MDM1: variants seen among roughly 807,000 people sequenced by gnomAD.
MDM1 encodes Mdm1 nuclear protein.
A neutral mutation model predicts 89.1 loss-of-function variants in MDM1; 61 were observed. The ratio of observed to expected loss-of-function variants is 0.68; its 90% CI spans 0.56 to 0.85. The LOEUF (loss-of-function observed/expected upper bound fraction) is 0.85, where lower values mean the gene tolerates loss of function less well. Among genes scored for constraint, MDM1 ranks in the 40% least tolerant of loss-of-function variants. The probability of loss-of-function intolerance (pLI) is 0.00; values close to 1 mark genes in which losing one functional copy is unlikely to be tolerated. For synonymous variants in MDM1, 290 were observed against 294.1 expected, an observed-to-expected ratio of 0.99 and a Z score of 0.14; for missense variants, 820 against 846.5, an observed-to-expected ratio of 0.97 and a Z score of 0.39.
At chr12:68,329,304 C>T (rs1358826923) in intron 2 of MDM1, among the ~76,000 whole-genome samples, 1 of 152,222 alleles carries the variant, frequency 6.6e-6, no homozygotes, top group Non-Finnish European at 1.5e-5. Flanking sequence ...AAGAGACACT[C>T]ACTCTTGCCC....
At chr12:68,310,864 C>T (rs1873581096) in intron 12 of MDM1, among the ~76,000 whole-genome samples, 1 of 152,174 alleles carries the variant, frequency 6.6e-6, no homozygotes, top group Admixed American at 6.5e-5. Flanking sequence ...CTCTATTCTA[C>T]TCCAACCACT....
At chr12:68,323,273 T>C (rs201747190) in intron 4 of MDM1, 33 bp from the exon 5 acceptor site, 253 of 1,488,690 alleles carry the variant, frequency 1.7e-4, no homozygotes, top group Non-Finnish European at 3.1e-5. Flanking sequence ...TTTAGTTTTG[T>C]TGATTAAATA....
chr12:68,294,828 T>G lies in MDM1; in HGVS notation c.*426A>C, dbSNP rs1176986679. 2 of 152,838 alleles carry G rather than the reference T, an allele frequency of 1.3e-5. No homozygotes were observed. Among genetic ancestry groups the G allele is most frequent in the African/African-American group, 4.8e-5 (2 of 41,444 alleles). 9.5% of individuals were successfully genotyped at this position (152,838 alleles called of 1,614,324 possible). On this transcript the variant is annotated 3_prime_UTR_variant, in exon 15 of 15. Transcript: ENST00000682720. ...AAGGAACTAAAATAAAAAGAAACACTACAGCAAAGGTTAAAGGAACAACAA... is the reference window on the plus strand; with the variant it reads ...AAGGAACTAAAATAAAAAGAAACACGACAGCAAAGGTTAAAGGAACAACAA...
intron 14 of MDM1, 146 bp downstream of exon 14, chr12:68,296,777 T>C (rs1358557224): frequency 4.1e-6 from 2 of 486,682 alleles, no homozygotes; most frequent in Non-Finnish European, 6.9e-6. Flanking sequence ...ATGGGGGTAA[T>C]TTCACTCCCC....
chr12:68,308,621 T>C (rs1873250708), intron 12 of MDM1, among the ~76,000 whole-genome samples: 1 of 152,202 alleles, frequency 6.6e-6, no homozygotes, highest in African/African-American at 2.4e-5. Context: ...TGTGAAATTA[T>C]TTTCTTAAAA....
intron 7 of MDM1, among the ~76,000 whole-genome samples, chr12:68,320,716 A>G (rs1875108369): frequency 6.6e-6 from 1 of 152,262 alleles, no homozygotes; most frequent in African/African-American, 2.4e-5. Context: ...AAAGGCAAAA[A>G]AAAGTCAAGA....
rs527239302 is a variant in MDM1 at position 68,314,949 on chromosome 12, C to A, written c.1528G>T (p.Gly510Trp). 5.6e-6 allele frequency: 9 copies of A among 1,611,482 alleles called. No homozygotes were observed. The highest frequency in any genetic ancestry group is 1.7e-4 in the Middle Eastern group (1 of 6,058). ...EKSKADKMKE[G>W]SDSSVSSEKG... is the part of the protein sequence containing the mutation. ...TACTGAGTAATTTAAAACTCTCACC[C>A]TTCTTTCATCTTATCTGCCTTAGAT... The change falls in exon 10 of 15, where the codon GGG (glycine) becomes TGG (tryptophan). Residue 510 changes from glycine to tryptophan, a missense_variant and splice_region_variant. Transcript: ENST00000682720.
intron 3 of MDM1, chr12:68,326,362 T>G: frequency 7.1e-7 from 1 of 1,417,826 alleles, no homozygotes; most frequent in Non-Finnish European, 9.2e-7. Flanking sequence ...CTGTCTCAAC[T>G]TGATCTCTCC....
intron 7 of MDM1, among the ~76,000 whole-genome samples, chr12:68,317,297 A>G (rs1874627474): frequency 6.6e-6 from 1 of 152,138 alleles, no homozygotes. Flanking sequence ...AATTAAGTTC[A>G]AGTTTTACCC....
chr12:68,314,043 G>A (rs564343330), intron 10 of MDM1, among the ~76,000 whole-genome samples: 32 of 151,528 alleles, frequency 2.1e-4, no homozygotes, highest in African/African-American at 6.8e-4. Flanking sequence ...AGGCTGAGGC[G>A]GGAGAATGGC....
intron 12 of MDM1, among the ~76,000 whole-genome samples, chr12:68,303,526 T>A (rs1401059182): frequency 1.3e-5 from 2 of 152,058 alleles, no homozygotes; most frequent in Non-Finnish European, 2.9e-5. Context: ...CAAAATAATA[T>A]AAACAAAAAT....
Position 68,308,856 on chromosome 12 carries a change from G to A in MDM1, c.1749+4587C>T, listed in dbSNP as rs368654053. On this transcript the variant is annotated intron_variant, in intron 12 of 14. Coordinates refer to ENST00000682720, the MANE Select transcript of MDM1 (RefSeq NM_001354969.2). Reference sequence around the variant, plus strand: ...TCCATCAATCTTGTTGGGCAAGCCAGAAACTTAGCAGGCATCCCTGTCTCT... The same window carrying A: ...TCCATCAATCTTGTTGGGCAAGCCAAAAACTTAGCAGGCATCCCTGTCTCT... 7.2e-5 allele frequency among the ~76,000 whole-genome samples: 11 copies of A among 152,322 alleles called. 1 individual carries two copies. The South Asian group carries it at 2.3e-3, about 32-fold the overall frequency.
rs923091991 is a variant in MDM1, at chr12:68,297,350, T to C, written c.2003-368A>G. ...CGCATTTACAAGAAGAACAAACTCATAGGACAAAGAGAATGGGAGCAAATA... is the reference window on the plus strand; with the variant it reads ...CGCATTTACAAGAAGAACAAACTCACAGGACAAAGAGAATGGGAGCAAATA... On this transcript the variant is annotated intron_variant, in intron 13 of 14. Transcript: ENST00000682720. Among the ~76,000 whole-genome samples, 33 of 152,258 alleles carry C rather than the reference T, an allele frequency of 2.2e-4. 1 individual carries two copies. The Middle Eastern group carries it at 0.017, about 78-fold the overall frequency.
chr12:68,300,610 C>T (rs776159351), intron 13 of MDM1, among the ~76,000 whole-genome samples: 1 of 152,154 alleles, frequency 6.6e-6, no homozygotes, highest in Admixed American at 6.5e-5. Flanking sequence ...GAAGGTATTA[C>T]AGTCAGTCCT....
chr12:68,295,133 G>T lies in MDM1; in HGVS notation c.*121C>A. On this transcript the variant is annotated 3_prime_UTR_variant, in exon 15 of 15. Transcript: ENST00000682720. The stretch of plus-strand genomic sequence containing the variant: ...AATTTCCAAGTAAACTGTTCTATTG[G>T]AAATTAAATATTTCAAAGTAGAAAA... 1.7e-6 allele frequency: 1 copy of T among 601,692 alleles called. No individual in the cohort carries two copies. The highest frequency in any genetic ancestry group is 3.0e-6 in the Non-Finnish European group (1 of 337,622). The allele number at this position is 601,692 out of a possible 1,614,324, so 37.3% of individuals were successfully genotyped here.
At chr12:68,330,465 G>GT (rs1452838380) in intron 2 of MDM1, among the ~76,000 whole-genome samples, 1 of 152,220 alleles carries the variant, frequency 6.6e-6, no homozygotes, top group Non-Finnish European at 1.5e-5. Context: ...TTCATCTAAG[G>GT]ATATAAGTGA....
chr12:68,295,658 C>T (rs1411557289), intron 14 of MDM1, among the ~76,000 whole-genome samples: 3 of 152,120 alleles, frequency 2.0e-5, no homozygotes, highest in Non-Finnish European at 4.4e-5. Context: ...CCTATGATTT[C>T]AGTATTACTT....
At position 68,331,121 on chromosome 12, in the gene MDM1, C is replaced by G; in HGVS notation, c.119G>C (p.Arg40Thr). 6.3e-7 allele frequency: 1 copy of G among 1,596,304 alleles called. No homozygotes were observed. Residue 40 changes from arginine (R) to threonine (T), a missense_variant, in exon 2 of 15, where the codon AGA (arginine) becomes ACA (threonine). Transcript: ENST00000682720. ...GCTCAACTTACCTAATTGATCTGAT[C>G]TAAGTCCAGCCCATGGGTACTTTCG... ...VGRKYPWAGL[R>T]SDQLGITKEP... is the part of the protein sequence containing the mutation.
chr12:68,301,380 G>T (rs1872135189), intron 13 of MDM1, among the ~76,000 whole-genome samples: 1 of 152,162 alleles, frequency 6.6e-6, no homozygotes, highest in Admixed American at 6.6e-5. Context: ...AATACTGCAT[G>T]TTCTCACTTA....
Sources: gnomAD v4.1 joint callset for allele counts (sites outside exome capture counted in the v4.1 genomes callset) on GRCh38, gnomAD v4.1.1 for gene constraint, MANE v1.5 for transcripts, NCBI Gene and HGNC (gene_info 2026-07-23, HGNC 2026-07-21) for gene names.